The following SH3BP4 variants were observed in gnomAD, a reference collection of about 807,000 sequenced individuals.
SH3BP4 encodes the protein SH3 domain binding protein 4, also known as SH3 domain-binding protein 4.
A neutral mutation model predicts 65.5 loss-of-function variants in SH3BP4; 33 were observed. That is an observed-to-expected ratio of 0.50 (90% CI 0.38 to 0.67). The LOEUF (loss-of-function observed/expected upper bound fraction) is 0.67. SH3BP4 is among the 30% of genes least tolerant of loss of function. The pLI, the probability that SH3BP4 is intolerant of heterozygous loss-of-function variation, is 0.00. For synonymous variants in SH3BP4, 552 were observed against 545.5 expected, an observed-to-expected ratio of 1.01 and a Z score of -0.17; for missense variants, 1,134 against 1,261.4, an observed-to-expected ratio of 0.90 and a Z score of 1.53.
chr2:235,039,235 C>T (rs1695555105), intron 3 of SH3BP4, among the ~76,000 whole-genome samples: 1 of 152,166 alleles, frequency 6.6e-6, no homozygotes, highest in Admixed American at 6.5e-5. Flanking sequence ...ATGCTCCCAG[C>T]TAAGCGCATC....
At chr2:234,964,628 G>T (rs1049914769) in intron 1 of SH3BP4, among the ~76,000 whole-genome samples, 1 of 152,132 alleles carries the variant, frequency 6.6e-6, no homozygotes, top group Non-Finnish European at 1.5e-5. Flanking sequence ...GGTGATTTAG[G>T]GGGGCAGTGG....
chr2:235,052,533 T>C lies in SH3BP4; in HGVS notation c.2479-29T>C. 1 of 1,524,580 alleles carries C rather than the reference T, an allele frequency of 6.6e-7. No homozygotes were observed. The highest frequency in any genetic ancestry group is 8.8e-7 in the Non-Finnish European group (1 of 1,131,396). 94.4% of individuals were successfully genotyped at this position (1,524,580 alleles called of 1,614,324 possible). A position where few individuals can be genotyped will look rare whatever the true frequency, so the allele number is the denominator to read the frequency against. On this transcript the variant is annotated intron_variant, in intron 4 of 5. Transcript: ENST00000392011. The surrounding 1 kb of genome is among the most constrained non-coding windows in gnomAD (Gnocchi z 5.0). Reference sequence around the variant, plus strand: ...AGAGCCTGCCCCACTCCCTACACTGTCTCACGCTGTGTGCCTCTTCCTCTG... The same window carrying C: ...AGAGCCTGCCCCACTCCCTACACTGCCTCACGCTGTGTGCCTCTTCCTCTG...
At chr2:235,049,767 TC>T (rs1695984622) in intron 4 of SH3BP4, among the ~76,000 whole-genome samples, 1 of 152,100 alleles carries the variant, frequency 6.6e-6, no homozygotes, top group African/African-American at 2.4e-5. Flanking sequence ...AATTCCCAAT[TC>T]CATGTGGGGC....
intron 1 of SH3BP4, among the ~76,000 whole-genome samples, chr2:234,958,364 T>C (rs1692633893): frequency 6.6e-6 from 1 of 152,020 alleles, no homozygotes; most frequent in Non-Finnish European, 1.5e-5. Flanking sequence ...TGAGCGGGGC[T>C]GGGACTGGGG....
intron 2 of SH3BP4, among the ~76,000 whole-genome samples, chr2:235,027,003 C>T (rs1025255761): frequency 1.3e-5 from 2 of 152,230 alleles, no homozygotes; most frequent in Admixed American, 1.3e-4. Flanking sequence ...ATAGACAGTG[C>T]TCCAGGAGCA....
rs554749805 is a variant in SH3BP4 at position 235,019,680 on chromosome 2, C to A, written c.-132-15191C>A. 2.6e-5 allele frequency among the ~76,000 whole-genome samples: 4 copies of A among 151,814 alleles called. No individual in the cohort carries two copies. The East Asian group carries it at 5.8e-4, about 22-fold the overall frequency. On this transcript the variant is annotated intron_variant, in intron 2 of 5. Coordinates refer to ENST00000392011, the MANE Select transcript of SH3BP4 (RefSeq NM_014521.3). ...CGAACTCCTGACCTCAGGTGATCTG[C>A]CCGCCTCAGCCTCTTAAAGTGCTGG... is the stretch of plus-strand genomic sequence containing the variant.
rs559714724 is a variant in SH3BP4 at position 235,034,801 on chromosome 2, C to G, written c.-132-70C>G. On this transcript the variant is annotated intron_variant, in intron 2 of 5. Coordinates refer to ENST00000392011, the MANE Select transcript of SH3BP4 (RefSeq NM_014521.3). The surrounding 1 kb of genome is among the most constrained non-coding windows in gnomAD (Gnocchi z 6.2). ...CCTGGAAGAAAGAGGATTCCCACTT[C>G]CCATAAAATTACCATTGAACCCATG... 297 of 569,694 alleles carry G rather than the reference C, an allele frequency of 5.2e-4. No homozygotes were observed. Among genetic ancestry groups the G allele is most frequent in the Non-Finnish European group, 6.6e-4 (210 of 319,078 alleles). The allele number at this position is 569,694 out of a possible 1,614,324, so 35.3% of individuals were successfully genotyped here.
Position 235,052,732 on chromosome 2 carries a change from C to A in SH3BP4, c.2649C>A (p.Asn883Lys). 1 of 1,600,604 alleles carries A rather than the reference C, an allele frequency of 6.2e-7. No homozygotes were observed. Residue 883 changes from asparagine to lysine, a missense_variant, in exon 5 of 6, where the codon AAC becomes AAA. Coordinates refer to ENST00000392011, the MANE Select transcript of SH3BP4 (RefSeq NM_014521.3). This position sits in a 1 kb window ranked among gnomAD's most constrained non-coding sequence, Gnocchi z 5.0. ...ACGAGTCTCCCCACCGGGACAGGAA[C>A]GGGGTTGTGGACAGCGAGGTGAGCA... ...DAYESPHRDR[N>K]GVVDSEAMWK...
At chr2:234,965,836 G>A (rs886663822) in intron 1 of SH3BP4, among the ~76,000 whole-genome samples, 1 of 152,240 alleles carries the variant, frequency 6.6e-6, no homozygotes, top group East Asian at 1.9e-4. Flanking sequence ...AACTAGGCAT[G>A]ATGGGAAAAA....
At chr2:235,001,498 G>A (rs1358484749) in intron 2 of SH3BP4, among the ~76,000 whole-genome samples, 4 of 152,214 alleles carry the variant, frequency 2.6e-5, no homozygotes, top group Non-Finnish European at 5.9e-5. Context: ...AGAAACCAGT[G>A]TAAAACTCTC....
intron 4 of SH3BP4, among the ~76,000 whole-genome samples, chr2:235,044,101 A>G (rs970810124): frequency 6.6e-6 from 1 of 152,234 alleles, no homozygotes; most frequent in Non-Finnish European, 1.5e-5. Flanking sequence ...GCTGCCCCAA[A>G]GCCTGTGTTC....
At chr2:234,971,097 G>A (rs1160601014) in intron 1 of SH3BP4, among the ~76,000 whole-genome samples, 1 of 152,176 alleles carries the variant, frequency 6.6e-6, no homozygotes, top group Non-Finnish European at 1.5e-5. Context: ...AGTTGCCTTA[G>A]TGTTGTACAG....
At chr2:234,963,841 A>G (rs1386004466) in intron 1 of SH3BP4, among the ~76,000 whole-genome samples, 4 of 152,172 alleles carry the variant, frequency 2.6e-5, no homozygotes. Context: ...GATGGACTGC[A>G]GTTGGATCTG....
At chr2:234,964,361 T>C (rs1377728289) in intron 1 of SH3BP4, among the ~76,000 whole-genome samples, 2 of 152,188 alleles carry the variant, frequency 1.3e-5, no homozygotes, top group African/African-American at 2.4e-5. Flanking sequence ...TTGTTCACGC[T>C]TTAATGCCTT....
intron 1 of SH3BP4, among the ~76,000 whole-genome samples, chr2:234,988,393 G>A (rs1358753755): frequency 6.6e-6 from 1 of 152,136 alleles, no homozygotes; most frequent in African/African-American, 2.4e-5. Flanking sequence ...CACCTTTAGC[G>A]AGTCTTTCTG....
intron 2 of SH3BP4, among the ~76,000 whole-genome samples, chr2:235,006,232 G>A (rs1309098547): frequency 1.3e-5 from 2 of 152,206 alleles, no homozygotes; most frequent in African/African-American, 4.8e-5. Context: ...TTGTCTTTGC[G>A]GGCTTTGTTC....
In SH3BP4 at chr2:235,026,054, A is replaced by G. The variant is rs1167471798; in HGVS notation, c.-132-8817A>G. Among the ~76,000 whole-genome samples, 1 of 152,168 alleles carries G rather than the reference A, an allele frequency of 6.6e-6. No homozygotes were observed. Among genetic ancestry groups the G allele is most frequent in the Non-Finnish European group, 1.5e-5 (1 of 68,036 alleles). ...CTGAAGTAATGGTTGCTTTGAATGC[A>G]AGGAGATTCTGGGATCTGTGCAGTG... On this transcript the variant is annotated intron_variant, in intron 2 of 5. Transcript: ENST00000392011. This position sits in a 1 kb window ranked among gnomAD's most constrained non-coding sequence, Gnocchi z 4.6.
At chr2:235,039,314 T>C (rs548860048) in intron 3 of SH3BP4, among the ~76,000 whole-genome samples, 2 of 152,142 alleles carry the variant, frequency 1.3e-5, no homozygotes, top group East Asian at 3.9e-4. Flanking sequence ...CCCAAGGAAG[T>C]GTGATTATTT....
rs1004274617 is a variant in SH3BP4, at chr2:234,997,109, C to T, written c.-133+1733C>T. 2.6e-5 allele frequency among the ~76,000 whole-genome samples: 4 copies of T among 152,192 alleles called. No homozygotes were observed. Among genetic ancestry groups the T allele is most frequent in the African/African-American group, 7.2e-5 (3 of 41,456 alleles). On this transcript the variant is annotated intron_variant, in intron 2 of 5. Transcript: ENST00000392011. This position sits in a 1 kb window ranked among gnomAD's most constrained non-coding sequence, Gnocchi z 4.2. ...GCACCCAGACTTGCCCTGGATACAG[C>T]GGGCAGAGCGTTGCATGTGCCTCTG...
Sources: gnomAD v4.1 joint callset for allele counts (sites outside exome capture counted in the v4.1 genomes callset) on GRCh38, gnomAD v4.1.1 for gene constraint, Gnocchi (gnomAD v3.1) non-coding constraint, MANE v1.5 for transcripts, NCBI Gene and HGNC (gene_info 2026-07-23, HGNC 2026-07-21) for gene names.